NFATC1: variants seen among roughly 807,000 people sequenced by gnomAD.
NFATC1 encodes the protein nuclear factor of activated T-cells, cytoplasmic 1.
A neutral mutation model predicts 76.0 loss-of-function variants in NFATC1; 22 were observed. The ratio of observed to expected loss-of-function variants is 0.29; its 90% CI spans 0.21 to 0.41. The LOEUF is 0.41. Among genes scored for constraint, NFATC1 ranks in the 10% least tolerant of loss-of-function variants. NFATC1 has a pLI of 1.00. For synonymous variants in NFATC1, 704 were observed against 613.1 expected (o/e 1.15, Z -2.19); for missense variants, 1,357 against 1,337.7 (o/e 1.01, Z -0.23).
At chr18:79,427,891 T>TGTAGGGGGGGCTGGA (rs2086446944) in intron 2 of NFATC1, among the ~76,000 whole-genome samples, 1 of 54,530 alleles carries the variant, frequency 1.8e-5, no homozygotes, top group African/African-American at 7.7e-5. Context: ...GTGCAGTGAG[T>TGTAGGGGGGGCTGGA]CGGGGAGGGG....
At chr18:79,450,398 A>G (rs1335410546) in intron 4 of NFATC1, among the ~76,000 whole-genome samples, 3 of 148,598 alleles carry the variant, frequency 2.0e-5, no homozygotes, top group Non-Finnish European at 4.5e-5. Context: ...TCTAATTATG[A>G]TTTATTATAT....
In NFATC1 at chr18:79,413,132, C is replaced by T. The variant is rs535727287; in HGVS notation, c.1226+1631C>T. ...ACGCGCTTCATGGTCTCCAGGCTTA[C>T]GGACGGTGACAAAGTCGTCCATCAC... On this transcript the variant is annotated intron_variant, in intron 2 of 9. Transcript: ENST00000427363. Among the ~76,000 whole-genome samples the T allele has an allele frequency of 1.5e-4, 23 of 152,316 alleles. 1 individual carries two copies. In the South Asian group the frequency reaches 4.2e-3, roughly 27 times the overall value.
intron 9 of NFATC1, among the ~76,000 whole-genome samples, chr18:79,500,133 A>G (rs906461352): frequency 2.6e-5 from 4 of 152,186 alleles, no homozygotes; most frequent in Admixed American, 2.0e-4. Context: ...CATCTGTAGG[A>G]CACTCTACAG....
At position 79,433,120 on chromosome 18, in the gene NFATC1, T is replaced by C. The variant is rs113587675; in HGVS notation, c.1227-459T>C. ...CATGGAATTTGGGGGCTGGCGGCGC[T>C]GCGCACATCACAACTTCCAAACCCA... On this transcript the variant is annotated intron_variant, in intron 2 of 9. Transcript: ENST00000427363. Among the ~76,000 whole-genome samples, 17 of 152,338 alleles carry C rather than the reference T, an allele frequency of 1.1e-4. 1 individual carries two copies. The highest frequency in any genetic ancestry group is 3.4e-4 in the African/African-American group (14 of 41,584).
intron 9 of NFATC1, among the ~76,000 whole-genome samples, chr18:79,521,153 G>C (rs1427902677): frequency 1.0e-5 from 1 of 97,426 alleles, no homozygotes; most frequent in Non-Finnish European, 2.2e-5. Flanking sequence ...TGTGTGTGTA[G>C]GGGGGGAGCA....
At chr18:79,480,617 T>G (rs916553617) in intron 8 of NFATC1, among the ~76,000 whole-genome samples, 2 of 152,038 alleles carry the variant, frequency 1.3e-5, no homozygotes, top group South Asian at 4.2e-4. Flanking sequence ...CCACCGCGGT[T>G]TTAAACGGGG....
chr18:79,485,693 G>T (rs781562347), intron 8 of NFATC1, among the ~76,000 whole-genome samples: 3 of 152,244 alleles, frequency 2.0e-5, no homozygotes, highest in Non-Finnish European at 4.4e-5. Flanking sequence ...CCTCCACACA[G>T]CCTGTCCCTT....
At chr18:79,420,234 G>A (rs1181713633) in intron 2 of NFATC1, among the ~76,000 whole-genome samples, 31 of 151,808 alleles carry the variant, frequency 2.0e-4, no homozygotes, top group African/African-American at 7.3e-4. Context: ...CGCGTTTCCA[G>A]GTGACGTCGC....
At chr18:79,499,517 A>C (rs1286104432) in intron 9 of NFATC1, among the ~76,000 whole-genome samples, 1 of 152,244 alleles carries the variant, frequency 6.6e-6, no homozygotes, top group African/African-American at 2.4e-5. Flanking sequence ...ACATAATCCT[A>C]CCGTATCAAT....
rs201427841 is a variant in NFATC1 at position 79,448,992 on chromosome 18, G to A, written c.1589+8G>A. 4.7e-4 allele frequency: 764 copies of A among 1,612,478 alleles called. 6 individuals carry two copies. The African/African-American group carries it at 6.4e-3, about 14-fold the overall frequency. ...GAACAGCATGCGAGCCGTGTAAGCC[G>A]CGGGGGACCTCCGGCCTCTGGCAGG... On this transcript the variant is annotated splice_region_variant and intron_variant, in intron 4 of 9. Coordinates refer to ENST00000427363, the MANE Select transcript of NFATC1 (RefSeq NM_001278669.2).
chr18:79,447,251 T>C (rs1378595388), intron 3 of NFATC1, among the ~76,000 whole-genome samples: 2 of 152,208 alleles, frequency 1.3e-5, no homozygotes, highest in Non-Finnish European at 2.9e-5. Flanking sequence ...CTCTGCCCAC[T>C]GACATCTGAG....
chr18:79,485,812 T>C (rs1250308150), intron 8 of NFATC1, among the ~76,000 whole-genome samples: 1 of 152,260 alleles, frequency 6.6e-6, no homozygotes, highest in East Asian at 1.9e-4. Flanking sequence ...ACCTTTGCAG[T>C]TGGATTTTTA....
chr18:79,441,945 C>T (rs1005504795), intron 3 of NFATC1, among the ~76,000 whole-genome samples: 3 of 152,162 alleles, frequency 2.0e-5, no homozygotes, highest in Non-Finnish European at 4.4e-5. Flanking sequence ...TGAGCGTGGC[C>T]GTCTCTTCTC....
intron 1 of NFATC1, among the ~76,000 whole-genome samples, chr18:79,409,725 A>G (rs750373281): frequency 2.0e-5 from 3 of 152,206 alleles, no homozygotes; most frequent in Non-Finnish European, 2.9e-5. Flanking sequence ...CCATCCATCC[A>G]TTAAACAAAT....
intron 2 of NFATC1, among the ~76,000 whole-genome samples, chr18:79,416,200 G>A (rs1470739252): frequency 6.6e-6 from 1 of 152,238 alleles, no homozygotes; most frequent in Non-Finnish European, 1.5e-5. Flanking sequence ...ACTCTCTTGT[G>A]TTTCATAAGT....
At chr18:79,509,771 C>T (rs773755735) in intron 9 of NFATC1, among the ~76,000 whole-genome samples, 4 of 152,238 alleles carry the variant, frequency 2.6e-5, no homozygotes, top group African/African-American at 9.6e-5. Context: ...AGGGAGGGAA[C>T]GCGAAGCTGG....
chr18:79,440,135 C>T (rs527411108), intron 3 of NFATC1, among the ~76,000 whole-genome samples: 28 of 152,220 alleles, frequency 1.8e-4, no homozygotes, highest in Admixed American at 1.6e-3. Context: ...AAATACGAGG[C>T]GCATGAGTGT....
intron 8 of NFATC1, among the ~76,000 whole-genome samples, chr18:79,473,629 G>C (rs187662419): frequency 9.0e-6 from 1 of 110,606 alleles, no homozygotes; most frequent in Non-Finnish European, 1.9e-5. Flanking sequence ...CACTGTTGAC[G>C]TTGCAAGGGA....
chr18:79,507,374 T>C (rs777514367), intron 9 of NFATC1, among the ~76,000 whole-genome samples: 4 of 152,208 alleles, frequency 2.6e-5, no homozygotes, highest in Non-Finnish European at 4.4e-5. Context: ...GGTGGAGCCA[T>C]GCGAGCGGCC....
Sources: allele counts gnomAD v4.1 joint callset (sites outside exome capture counted in the v4.1 genomes callset), GRCh38; gene constraint gnomAD v4.1.1; transcripts MANE v1.5; gene names NCBI Gene and HGNC (gene_info 2026-07-23, HGNC 2026-07-21).